Variants in TMEM255B observed in about 807,000 individuals in gnomAD.
TMEM255B encodes the protein family with sequence similarity 70, member B.
A neutral mutation model predicts 34.5 loss-of-function variants in TMEM255B; 35 were observed. The ratio of observed to expected loss-of-function variants is 1.01; its 90% CI spans 0.77 to 1.34. The LOEUF is 1.34. Ranked by LOEUF, TMEM255B falls within the 40% of genes most tolerant of loss-of-function variation. TMEM255B has a pLI of 0.00. For synonymous variants in TMEM255B, 206 were observed against 201.2 expected, an observed-to-expected ratio of 1.02 and a Z score of -0.20; for missense variants, 432 against 433.2, an observed-to-expected ratio of 1.00 and a Z score of 0.02.
chr13:113,761,354 C>A (rs2050305533), intron 1 of TMEM255B: 1 of 985,216 alleles, frequency 1.0e-6, no homozygotes. Flanking sequence ...CCAGGTAGGA[C>A]CTGGCGTGGG....
chr13:113,801,341 C>T (rs1208672053), intron 6 of TMEM255B, among the ~76,000 whole-genome samples: 1 of 152,228 alleles, frequency 6.6e-6, no homozygotes, highest in Non-Finnish European at 1.5e-5. Context: ...CCTTCCCATC[C>T]TGGCGTGAAG....
chr13:113,772,012 G>A (rs183073240), intron 3 of TMEM255B, among the ~76,000 whole-genome samples: 1 of 152,276 alleles, frequency 6.6e-6, no homozygotes, highest in Admixed American at 6.5e-5. Context: ...ACCAGCACTT[G>A]TCACTGACTG....
chr13:113,763,980 G>A (rs1383104075), intron 1 of TMEM255B, among the ~76,000 whole-genome samples: 1 of 152,244 alleles, frequency 6.6e-6, no homozygotes, highest in African/African-American at 2.4e-5. Context: ...TGTTCCGGCT[G>A]GCAGGTGCAG....
chr13:113,804,627 T>TGAGAGTCG, intron 7 of TMEM255B, among the ~76,000 whole-genome samples: 1 of 144,124 alleles, frequency 6.9e-6, no homozygotes, highest in Non-Finnish European at 1.5e-5. Context: ...AGCTCCAGCC[T>TGAGAGTCG]GGGTATAAAC....
chr13:113,773,525 C>T (rs370101477), intron 3 of TMEM255B, among the ~76,000 whole-genome samples: 6 of 152,222 alleles, frequency 3.9e-5, no homozygotes, highest in Admixed American at 2.0e-4. Flanking sequence ...CACCTGTCCA[C>T]GGGCTTCCCT....
At chr13:113,798,022 C>A (rs571174909) in intron 4 of TMEM255B, among the ~76,000 whole-genome samples, 33 of 152,276 alleles carry the variant, frequency 2.2e-4, no homozygotes, top group Admixed American at 5.9e-4. Context: ...TGCAGATGGT[C>A]GGATGGATTG....
intron 2 of TMEM255B, among the ~76,000 whole-genome samples, chr13:113,768,585 C>T (rs1399510453): frequency 6.6e-6 from 1 of 152,188 alleles, no homozygotes; most frequent in African/African-American, 2.4e-5. Context: ...CTGGCACCTC[C>T]CTGCTAACGG....
chr13:113,799,768 A>G, intron 5 of TMEM255B: 1 of 682,742 alleles, frequency 1.5e-6, no homozygotes, highest in Non-Finnish European at 2.7e-6. Flanking sequence ...AAACTTCTGG[A>G]TTTCCCTGAG....
chr13:113,799,464 C>G (rs371905234), intron 5 of TMEM255B, 45 bp downstream of exon 5: 1 of 1,583,978 alleles, frequency 6.3e-7, no homozygotes, highest in South Asian at 1.1e-5. Context: ...CTCAGCTAAC[C>G]CCGCCGACCC....
At chr13:113,803,227 T>G (rs1386610324) in intron 7 of TMEM255B, 1 of 147,790 alleles carries the variant, frequency 6.8e-6, no homozygotes, top group Admixed American at 6.8e-5. Context: ...CAGCCCGCAA[T>G]GCAGAGCCAC....
At chr13:113,799,256 G>A in intron 4 of TMEM255B, 83 bp from the exon 5 acceptor site, 2 of 1,367,652 alleles carry the variant, frequency 1.5e-6, no homozygotes, top group Non-Finnish European at 2.1e-6. Flanking sequence ...CTGAGCCTGA[G>A]ACCCACAGGC....
At chr13:113,777,008 A>G (rs1594128340) in intron 3 of TMEM255B, among the ~76,000 whole-genome samples, 2 of 151,848 alleles carry the variant, frequency 1.3e-5, no homozygotes, top group African/African-American at 4.8e-5. Flanking sequence ...TGAAACCAAC[A>G]CCTGGAATTT....
At chr13:113,785,359 T>C (rs2138548202) in intron 3 of TMEM255B, among the ~76,000 whole-genome samples, 1 of 152,296 alleles carries the variant, frequency 6.6e-6, no homozygotes, top group Non-Finnish European at 1.5e-5. Flanking sequence ...ATGACAGAGG[T>C]TGCCCTCCAG....
At chr13:113,776,827 G>A (rs982816924) in intron 3 of TMEM255B, among the ~76,000 whole-genome samples, 1 of 152,100 alleles carries the variant, frequency 6.6e-6, no homozygotes, top group Non-Finnish European at 1.5e-5. Flanking sequence ...ACGCCCTGGT[G>A]AGCAGGAAAA....
At chr13:113,776,314 T>G (rs979039262) in intron 3 of TMEM255B, among the ~76,000 whole-genome samples, 5 of 152,138 alleles carry the variant, frequency 3.3e-5, no homozygotes, top group Admixed American at 3.3e-4. Flanking sequence ...TACAGGAAAA[T>G]CAACCAAGTC....
intron 8 of TMEM255B, among the ~76,000 whole-genome samples, chr13:113,807,910 T>C (rs560933998): frequency 1.5e-4 from 23 of 152,164 alleles, no homozygotes; most frequent in African/African-American, 5.5e-4. Flanking sequence ...TGGTGCTCCA[T>C]CCTCATCCAC....
At chr13:113,801,878 G>A in intron 7 of TMEM255B, 66 bp downstream of exon 7, 1 of 1,469,696 alleles carries the variant, frequency 6.8e-7, no homozygotes, top group Admixed American at 2.4e-5. Context: ...ATTTCCCCGG[G>A]GTGGGCTGGG....
At chr13:113,800,251 GTGTGTGTGTGTGGAGGTGTCC>G (rs2051024303) in intron 5 of TMEM255B, among the ~76,000 whole-genome samples, 1 of 143,852 alleles carries the variant, frequency 7.0e-6, no homozygotes, top group Non-Finnish European at 1.5e-5. Context: ...GGCATCCTGT[GTGTGTGTGTGTGGAGGTGTCC>G]TGTGTGTGTG....
chr13:113,787,886 G>A (rs914872490), intron 3 of TMEM255B, among the ~76,000 whole-genome samples: 7 of 150,092 alleles, frequency 4.7e-5, no homozygotes, highest in African/African-American at 7.4e-5. Context: ...CCAGCTGCAG[G>A]TGCCGTCCAC....
Sources: allele counts gnomAD v4.1 joint callset (sites outside exome capture counted in the v4.1 genomes callset), GRCh38; gene constraint gnomAD v4.1.1; transcripts MANE v1.5; gene names NCBI Gene and HGNC (gene_info 2026-07-23, HGNC 2026-07-21).